SYCP2L: variants seen among roughly 807,000 people sequenced by gnomAD.
SYCP2L encodes synaptonemal complex protein 2 like.
SYCP2L carries 98 observed loss-of-function variants against 125.8 expected under a neutral mutation model. The observed-to-expected ratio is 0.78, with a 90% CI of 0.66 to 0.92. The LOEUF (loss-of-function observed/expected upper bound fraction) is 0.92, where lower values mean the gene tolerates loss of function less well. Ranked by LOEUF, SYCP2L falls within the 40% of genes least tolerant of loss-of-function variation. SYCP2L has a pLI of 0.00. For missense variants in SYCP2L, 842 were observed against 936.4 expected, an observed-to-expected ratio of 0.90 and a Z score of 1.32; for synonymous variants, 317 against 325.4, an observed-to-expected ratio of 0.97 and a Z score of 0.28.
rs761928920 is a variant in SYCP2L at position 10,910,839 on chromosome 6, G to A, written c.888G>A (p.Pro296=). Residue 296 remains proline (P), a synonymous_variant, in exon 12 of 30, where the codon CCG becomes CCA. Coordinates refer to ENST00000283141, the MANE Select transcript of SYCP2L (RefSeq NM_001040274.3). ...TATTTTGCAGGGTGTATTCATTTCC[G>A]TGTATTGCTGCTTTTGCTGATGAGC... ...LGDQRRVYSF[P]CIAAFADEHE... 2.0e-5 allele frequency: 33 copies of A among 1,613,610 alleles called. No individual in the cohort carries two copies. Among genetic ancestry groups the A allele is most frequent in the Middle Eastern group, 1.6e-4 (1 of 6,084 alleles).
intron 4 of SYCP2L, among the ~76,000 whole-genome samples, chr6:10,897,021 A>G (rs951120539): frequency 2.7e-5 from 4 of 149,662 alleles, no homozygotes; most frequent in Non-Finnish European, 4.4e-5. Flanking sequence ...ATTTCTAACT[A>G]TGCATGCGGA....
chr6:10,907,792 G>A, intron 10 of SYCP2L, 108 bp downstream of exon 10: 2 of 1,029,072 alleles, frequency 1.9e-6, no homozygotes, highest in Non-Finnish European at 2.8e-6. Context: ...GCTTAAGTGT[G>A]ATTACACTGC....
intron 8 of SYCP2L, among the ~76,000 whole-genome samples, chr6:10,903,345 G>A (rs1239361566): frequency 2.0e-5 from 3 of 152,134 alleles, no homozygotes; most frequent in East Asian, 1.9e-4. Context: ...TCAGGAGATC[G>A]AGACCATCCT....
chr6:10,937,960 C>T (rs1247943078), intron 21 of SYCP2L, among the ~76,000 whole-genome samples: 1 of 152,128 alleles, frequency 6.6e-6, no homozygotes, highest in Non-Finnish European at 1.5e-5. Context: ...CAGACGGTTT[C>T]ACTGGTGAAC....
rs559940159 is a variant in SYCP2L, at chr6:10,940,611, T to C, written c.1814-1848T>C. ...CAAATACTATATAATCTCACATATA[T>C]ACGGAATGTAAAAAAGTCAAACTCA... On this transcript the variant is annotated intron_variant, in intron 21 of 29. Coordinates refer to ENST00000283141, the MANE Select transcript of SYCP2L (RefSeq NM_001040274.3). Among the ~76,000 whole-genome samples the C allele has an allele frequency of 2.0e-5, 3 of 152,228 alleles. No homozygotes were observed. The South Asian group carries it at 6.2e-4, about 32-fold the overall frequency.
chr6:10,911,627 G>C (rs1014998783), intron 12 of SYCP2L, among the ~76,000 whole-genome samples: 4 of 151,986 alleles, frequency 2.6e-5, no homozygotes, highest in Non-Finnish European at 5.9e-5. Context: ...TTTCCCTTTG[G>C]TTGTCTGAAG....
At chr6:10,896,546 T>C (rs1224031514) in intron 4 of SYCP2L, among the ~76,000 whole-genome samples, 1 of 152,184 alleles carries the variant, frequency 6.6e-6, no homozygotes, top group African/African-American at 2.4e-5. Context: ...AAATACAGCC[T>C]TAGCAGTGAG....
chr6:10,934,559 G>T (rs769143862), intron 20 of SYCP2L, among the ~76,000 whole-genome samples: 64 of 152,188 alleles, frequency 4.2e-4, no homozygotes, highest in Non-Finnish European at 7.3e-4. Context: ...GCGTGCCTAT[G>T]ATTCCAGCTA....
rs1184245600 is a variant in SYCP2L, at chr6:10,910,151, A to G, written c.823A>G (p.Ser275Gly). The G allele has an allele frequency of 6.2e-7, 1 of 1,613,354 alleles. No individual in the cohort carries two copies. The highest frequency in any genetic ancestry group is 8.5e-7 in the Non-Finnish European group (1 of 1,179,726). The change falls in exon 11 of 30, where the codon AGT becomes GGT. Residue 275 changes from serine (S) to glycine (G), a missense_variant. By Grantham distance (56) the Ser-to-Gly change is moderately conservative (BLOSUM62 0). Coordinates refer to ENST00000283141, the MANE Select transcript of SYCP2L (RefSeq NM_001040274.3). ...EIKDREFETD[S>G]RRFLNHLNNR... ...GTTTATATCATTTGCTTTGAAGGACAGTAGACGTTTTCTCAATCACCTAAA... is the reference window on the plus strand; with the variant it reads ...GTTTATATCATTTGCTTTGAAGGACGGTAGACGTTTTCTCAATCACCTAAA...
chr6:10,911,894 C>CTTTCTT (rs377600077), intron 12 of SYCP2L, among the ~76,000 whole-genome samples: 963 of 50,000 alleles, frequency 0.019, 131 homozygotes, highest in African/African-American at 0.058. Flanking sequence ...GGAATAAAAG[C>CTTTCTT]TTTTTTTTTT....
rs1456342190 is a variant in SYCP2L at position 10,946,284 on chromosome 6, CATA to C, written c.1954+3541_1954+3543del. On this transcript the variant is annotated intron_variant, in intron 23 of 29. Transcript: ENST00000283141. Reference sequence around the variant, plus strand: ...TTCATTTACTGATTAACTTAGAAATCATAATGTGTCATTTCTAAGCCTAAATTT... The same window carrying C: ...TTCATTTACTGATTAACTTAGAAATCATGTGTCATTTCTAAGCCTAAATTT... Among the ~76,000 whole-genome samples the C allele has an allele frequency of 3.9e-5, 6 of 152,154 alleles. No homozygotes were observed. In the East Asian group the frequency reaches 1.2e-3, roughly 29 times the overall value.
chr6:10,933,749 G>A (rs1305407957), intron 20 of SYCP2L, among the ~76,000 whole-genome samples: 1 of 152,128 alleles, frequency 6.6e-6, no homozygotes, highest in Non-Finnish European at 1.5e-5. Flanking sequence ...AGCACAAGGA[G>A]AAATTTCCTA....
chr6:10,951,281 C>G (rs1047967013), intron 23 of SYCP2L, among the ~76,000 whole-genome samples: 3 of 152,028 alleles, frequency 2.0e-5, no homozygotes, highest in African/African-American at 7.2e-5. Context: ...AAAACATTAG[C>G]CAGGCATGGT....
At chr6:10,918,479 T>A (rs1385817074) in intron 14 of SYCP2L, among the ~76,000 whole-genome samples, 1 of 152,188 alleles carries the variant, frequency 6.6e-6, no homozygotes, top group Non-Finnish European at 1.5e-5. Context: ...TTATTCTTTT[T>A]TCTTTGTCTT....
intron 23 of SYCP2L, among the ~76,000 whole-genome samples, chr6:10,945,916 T>A (rs1781308028): frequency 1.3e-5 from 2 of 152,180 alleles, no homozygotes; most frequent in Non-Finnish European, 2.9e-5. Flanking sequence ...TGTCTTGAAG[T>A]CTGTTTATTT....
At chr6:10,916,970 T>C (rs1428363376) in intron 14 of SYCP2L, among the ~76,000 whole-genome samples, 2 of 152,208 alleles carry the variant, frequency 1.3e-5, no homozygotes, top group African/African-American at 4.8e-5. Flanking sequence ...CCAGCCTGGG[T>C]GACAGAGCAA....
intron 20 of SYCP2L, 101 bp from the exon 21 acceptor site, chr6:10,934,955 AAT>A (rs1781066728): frequency 1.4e-5 from 15 of 1,095,966 alleles, no homozygotes; most frequent in Non-Finnish European, 1.8e-5. Flanking sequence ...GAGTAAATCT[AAT>A]ACTTAAGCTT....
Position 10,949,822 on chromosome 6 carries a change from TC to T in SYCP2L, c.1955-5293del, listed in dbSNP as rs1419606060. On this transcript the variant is annotated intron_variant, in intron 23 of 29. Transcript: ENST00000283141. ...GAGCTTATATCTGGATTAAAAAAAA[TC>T]TGATCTGACAATCTCTTTTAATAGG... Among the ~76,000 whole-genome samples, 12 of 149,994 alleles carry T rather than the reference TC, an allele frequency of 8.0e-5. No homozygotes were observed. The East Asian group carries it at 2.4e-3, about 30-fold the overall frequency.
chr6:10,890,926 T>C (rs1412867673), intron 1 of SYCP2L, among the ~76,000 whole-genome samples: 1 of 152,236 alleles, frequency 6.6e-6, no homozygotes. Context: ...CACCAGTTAT[T>C]GAAGAGACTG....
Sources: allele counts gnomAD v4.1 joint callset (sites outside exome capture counted in the v4.1 genomes callset), GRCh38; gene constraint gnomAD v4.1.1; transcripts MANE v1.5; gene names NCBI Gene and HGNC (gene_info 2026-07-23, HGNC 2026-07-21).